Variants in NRBF2 observed in about 807,000 individuals in gnomAD.
The protein encoded by NRBF2 is nuclear receptor binding factor 2, also known as nuclear receptor-binding factor 2.
In NRBF2, 12 loss-of-function variants were observed where a neutral mutation model predicts 28.5. The ratio of observed to expected loss-of-function variants is 0.42; its 90% CI spans 0.27 to 0.68. NRBF2 has a LOEUF of 0.68. Among genes scored for constraint, NRBF2 ranks in the 30% least tolerant of loss-of-function variants. The pLI, the probability that NRBF2 is intolerant of heterozygous loss-of-function variation, is 0.24. For synonymous variants in NRBF2, 102 were observed against 116.5 expected (o/e 0.88, Z 0.80); for missense variants, 274 against 333.5 (o/e 0.82, Z 1.39).
chr10:63,139,052 CA>C (rs1841421788), intron 1 of NRBF2, among the ~76,000 whole-genome samples: 1 of 152,010 alleles, frequency 6.6e-6, no homozygotes, highest in Non-Finnish European at 1.5e-5. Flanking sequence ...CTCTGTTGCC[CA>C]GGCTGGAGTG....
At chr10:63,133,996 C>CT in intron 1 of NRBF2, among the ~76,000 whole-genome samples, 10 of 141,112 alleles carry the variant, frequency 7.1e-5, no homozygotes, top group African/African-American at 1.8e-4. Context: ...CCTCCTCACC[C>CT]TCCACTTCCC....
At chr10:63,134,918 G>A (rs1002747575) in intron 1 of NRBF2, among the ~76,000 whole-genome samples, 1 of 152,026 alleles carries the variant, frequency 6.6e-6, no homozygotes, top group Non-Finnish European at 1.5e-5. Flanking sequence ...CCAGGCGCCG[G>A]GGCTCACGCC....
In NRBF2 at chr10:63,154,657, A is replaced by G. The variant is rs1252625516; in HGVS notation, c.*439A>G. The G allele has an allele frequency of 6.2e-6, 1 of 160,130 alleles. No individual in the cohort carries two copies. Among genetic ancestry groups the G allele is most frequent in the Non-Finnish European group, 1.4e-5 (1 of 72,824 alleles). 9.9% of individuals were successfully genotyped at this position (160,130 alleles called of 1,614,324 possible). A position where few individuals can be genotyped will look rare whatever the true frequency, so the allele number is the denominator to read the frequency against. Reference sequence around the variant, plus strand: ...ATTTGAAACATGCTTTCTATCATGCATTGACTGTATGCATTTTGTTAATGC... The same window carrying G: ...ATTTGAAACATGCTTTCTATCATGCGTTGACTGTATGCATTTTGTTAATGC... On this transcript the variant is annotated 3_prime_UTR_variant, in exon 4 of 4. Transcript: ENST00000277746.
At chr10:63,142,421 G>A (rs1041830909) in intron 1 of NRBF2, among the ~76,000 whole-genome samples, 4 of 150,678 alleles carry the variant, frequency 2.7e-5, no homozygotes, top group African/African-American at 9.7e-5. Flanking sequence ...CTCCTGCCTC[G>A]TCTTCTCAAA....
chr10:63,134,372 GGAA>G (rs1841342945), intron 1 of NRBF2, among the ~76,000 whole-genome samples: 1 of 152,208 alleles, frequency 6.6e-6, no homozygotes, highest in South Asian at 2.1e-4. Flanking sequence ...GTTGCACACA[GGAA>G]GAACTTTTGA....
chr10:63,150,088 C>G (rs1348650283), intron 2 of NRBF2, among the ~76,000 whole-genome samples: 3 of 151,468 alleles, frequency 2.0e-5, no homozygotes, highest in African/African-American at 7.3e-5. Flanking sequence ...ATTACAGGTG[C>G]CTGCCACCAC....
intron 1 of NRBF2, among the ~76,000 whole-genome samples, chr10:63,142,308 T>TG (rs1564529683): frequency 6.7e-6 from 1 of 149,564 alleles, no homozygotes; most frequent in Non-Finnish European, 1.5e-5. Flanking sequence ...TTTTGTTTTT[T>TG]TTGTTTTTTT....
At chr10:63,138,810 G>T (rs1030652653) in intron 1 of NRBF2, among the ~76,000 whole-genome samples, 1 of 152,036 alleles carries the variant, frequency 6.6e-6, no homozygotes, top group African/African-American at 2.4e-5. Context: ...GTATAATTGC[G>T]TTATATTACT....
At chr10:63,146,934 A>T (rs1277922051) in intron 2 of NRBF2, among the ~76,000 whole-genome samples, 1 of 152,206 alleles carries the variant, frequency 6.6e-6, no homozygotes, top group Non-Finnish European at 1.5e-5. Flanking sequence ...TCAGAAATAG[A>T]TCTTGGGGGC....
chr10:63,151,119 C>G (rs930353156), intron 2 of NRBF2, among the ~76,000 whole-genome samples: 1 of 152,148 alleles, frequency 6.6e-6, no homozygotes, highest in Admixed American at 6.5e-5. Context: ...GTGGTAGAAC[C>G]TAGCAGGCAA....
intron 1 of NRBF2, among the ~76,000 whole-genome samples, chr10:63,137,636 C>G (rs1458048506): frequency 6.6e-6 from 1 of 152,218 alleles, no homozygotes; most frequent in African/African-American, 2.4e-5. Context: ...AATGAAGCCT[C>G]TTACTTTCCA....
chr10:63,143,552 G>C (rs1011337700), intron 1 of NRBF2, among the ~76,000 whole-genome samples: 2 of 151,888 alleles, frequency 1.3e-5, no homozygotes, highest in Non-Finnish European at 2.9e-5. Context: ...CTGCCTCCCG[G>C]GTTGAAGCGG....
intron 1 of NRBF2, among the ~76,000 whole-genome samples, 173 bp from the exon 2 acceptor site, chr10:63,146,036 G>A (rs1347987151): frequency 1.3e-5 from 2 of 152,194 alleles, no homozygotes; most frequent in Non-Finnish European, 2.9e-5. Flanking sequence ...TTCAGATGCT[G>A]CAGTTCTAGG....
chr10:63,140,157 A>C (rs905980722), intron 1 of NRBF2, among the ~76,000 whole-genome samples: 1 of 152,152 alleles, frequency 6.6e-6, no homozygotes, highest in Non-Finnish European at 1.5e-5. Context: ...ACAGCAAGGA[A>C]ATCATAAGGA....
chr10:63,141,689 A>C (rs1841471272), intron 1 of NRBF2, among the ~76,000 whole-genome samples: 1 of 152,232 alleles, frequency 6.6e-6, no homozygotes, highest in South Asian at 2.1e-4. Context: ...TTCATTTTAG[A>C]GATGAGAAAA....
chr10:63,152,191 G>A lies in NRBF2; in HGVS notation c.156+1G>A. On this transcript the variant is annotated splice_donor_variant, in intron 3 of 3. Coordinates refer to ENST00000277746, the MANE Select transcript of NRBF2 (RefSeq NM_030759.5). LOFTEE classifies it high-confidence loss of function. ...CATGAAGCTGACACAGTCAGAGCAG[G>A]TGAGACATATTCCCAATATTTGCGA... 6.2e-7 allele frequency: 1 copy of A among 1,613,134 alleles called. No homozygotes were observed. The highest frequency in any genetic ancestry group is 8.5e-7 in the Non-Finnish European group (1 of 1,179,266).
intron 1 of NRBF2, among the ~76,000 whole-genome samples, chr10:63,145,208 A>G (rs1305447926): frequency 6.7e-6 from 1 of 149,446 alleles, no homozygotes; most frequent in African/African-American, 2.5e-5. Flanking sequence ...CCCAGGTTCA[A>G]GCAGTTCTCC....
intron 1 of NRBF2, among the ~76,000 whole-genome samples, chr10:63,140,875 A>G (rs1841454624): frequency 6.6e-6 from 1 of 151,664 alleles, no homozygotes; most frequent in South Asian, 2.1e-4. Context: ...TAATTTTTGT[A>G]TTTTTTGTAG....
At chr10:63,144,696 G>A (rs1050703709) in intron 1 of NRBF2, among the ~76,000 whole-genome samples, 2 of 152,100 alleles carry the variant, frequency 1.3e-5, no homozygotes, top group Non-Finnish European at 2.9e-5. Context: ...GATTACAGGC[G>A]TGAGCCACCG....
Sources: gnomAD v4.1 joint callset for allele counts (sites outside exome capture counted in the v4.1 genomes callset) on GRCh38, gnomAD v4.1.1 for gene constraint, MANE v1.5 for transcripts, NCBI Gene and HGNC (gene_info 2026-07-23, HGNC 2026-07-21) for gene names.